GSPT1: variants seen among roughly 807,000 people sequenced by gnomAD.
The protein encoded by GSPT1 is G1 to S phase transition 1, also known as eukaryotic peptide chain release factor GTP-binding subunit ERF3A.
A neutral mutation model predicts 72.5 loss-of-function variants in GSPT1; 20 were observed. The ratio of observed to expected loss-of-function variants is 0.28; its 90% CI spans 0.19 to 0.40. The LOEUF (loss-of-function observed/expected upper bound fraction) is 0.40. GSPT1 is among the 10% of genes least tolerant of loss of function. GSPT1 has a pLI of 1.00. For synonymous variants in GSPT1, 334 were observed against 293.5 expected, an observed-to-expected ratio of 1.14 and a Z score of -1.41; for missense variants, 580 against 811.9, an observed-to-expected ratio of 0.71 and a Z score of 3.47.
chr16:11,915,015 C>A (rs143065056), intron 1 of GSPT1: 1 of 1,289,966 alleles, frequency 7.8e-7, no homozygotes, highest in Non-Finnish European at 1.0e-6. Context: ...TCCATCTGTC[C>A]TCATTCTGCG....
rs2053941936 is a variant in GSPT1 at position 11,868,363 on chromosome 16, T to TTG, written c.*4755_*4756insCA. 1 of 151,376 alleles carries TTG rather than the reference T, an allele frequency of 6.6e-6. No homozygotes were observed. Among genetic ancestry groups the TTG allele is most frequent in the Non-Finnish European group, 1.5e-5 (1 of 67,818 alleles). The allele number at this position is 151,376 out of a possible 1,614,324, so 9.4% of individuals were successfully genotyped here. ...TGATCAGTTCCCTTTAATCCTGTTT[T>TTG]TTTTTTTTTTTTTTAAATGAGATCT... On this transcript the variant is annotated 3_prime_UTR_variant, in exon 15 of 15. Transcript: ENST00000434724.
intron 9 of GSPT1, 135 bp downstream of exon 9, chr16:11,886,336 A>G (rs997579066): frequency 3.4e-6 from 2 of 587,804 alleles, no homozygotes; most frequent in Non-Finnish European, 5.7e-6. Context: ...GTTACATTTA[A>G]TATTTTCTTA....
chr16:11,914,774 A>G (rs540187358), intron 1 of GSPT1, among the ~76,000 whole-genome samples: 14 of 152,220 alleles, frequency 9.2e-5, no homozygotes, highest in Non-Finnish European at 1.3e-4. Flanking sequence ...GGTAAAACAG[A>G]TCTTGGTATT....
intron 10 of GSPT1, among the ~76,000 whole-genome samples, chr16:11,884,763 CA>C (rs35794680): frequency 0.53 from 50,310 of 94,598 alleles, 10,818 homozygotes; most frequent in East Asian, 0.7. Context: ...GACTCCGTCT[CA>C]AAAAAAAAAA....
At chr16:11,907,348 T>A (rs1372145179) in intron 1 of GSPT1, among the ~76,000 whole-genome samples, 2 of 152,200 alleles carry the variant, frequency 1.3e-5, no homozygotes, top group African/African-American at 2.4e-5. Flanking sequence ...TGGATATGAC[T>A]GACCTAAGTT....
At chr16:11,906,611 G>A (rs2054493580) in intron 1 of GSPT1, among the ~76,000 whole-genome samples, 1 of 152,138 alleles carries the variant, frequency 6.6e-6, no homozygotes, top group Admixed American at 6.5e-5. Flanking sequence ...TCCAGCCTGG[G>A]CAACAATGTG....
intron 5 of GSPT1, 128 bp from the exon 6 acceptor site, chr16:11,891,267 C>T: frequency 3.2e-6 from 1 of 313,588 alleles, no homozygotes; most frequent in South Asian, 6.3e-5. Flanking sequence ...GTGTGTCTGT[C>T]TAAAAAAATA....
Position 11,896,727 on chromosome 16 carries a change from T to G in GSPT1, c.495A>C (p.Ile165=). Residue 165 remains isoleucine (I), a synonymous_variant, in exon 4 of 15, where the codon ATA becomes ATC. Coordinates refer to ENST00000434724, the MANE Select transcript of GSPT1 (RefSeq NM_002094.4). ...PEESWEHKEE[I]SEAEPGGGSL... ...AACCACCCCCTGGCTCTGCTTCACT[T>G]ATTTCTTCTTTGTGCTCCCATGATT... is the stretch of plus-strand genomic sequence containing the variant. 1 of 1,604,798 alleles carries G rather than the reference T, an allele frequency of 6.2e-7. No homozygotes were observed. Among genetic ancestry groups the G allele is most frequent in the Non-Finnish European group, 8.5e-7 (1 of 1,175,362 alleles).
At chr16:11,896,933 C>T (rs2054347770) in intron 3 of GSPT1, 148 bp from the exon 4 acceptor site, 2 of 630,152 alleles carry the variant, frequency 3.2e-6, no homozygotes, top group Non-Finnish European at 2.8e-6. Flanking sequence ...AAACCTCTTT[C>T]ATAGCAGAAA....
intron 1 of GSPT1, among the ~76,000 whole-genome samples, chr16:11,909,942 A>C (rs930128786): frequency 2.8e-5 from 4 of 143,164 alleles, no homozygotes; most frequent in Non-Finnish European, 4.4e-5. Flanking sequence ...AAAACAAACA[A>C]AAAAACTTAG....
chr16:11,885,036 C>T lies in GSPT1; in HGVS notation c.1347+145G>A, dbSNP rs544797606. On this transcript the variant is annotated intron_variant, in intron 10 of 14. Coordinates refer to ENST00000434724, the MANE Select transcript of GSPT1 (RefSeq NM_002094.4). ...TGAGCTGAGATCGCGCCACTGCACT[C>T]CAGCCTGGGGGACAGAGTGCAAGAT... The T allele has an allele frequency of 2.7e-5, 14 of 522,082 alleles. No individual in the cohort carries two copies. The East Asian group carries it at 3.8e-4, about 14-fold the overall frequency. 32.3% of individuals were successfully genotyped at this position (522,082 alleles called of 1,614,324 possible).
At chr16:11,893,581 T>C (rs1026342450) in intron 5 of GSPT1, among the ~76,000 whole-genome samples, 3 of 152,186 alleles carry the variant, frequency 2.0e-5, no homozygotes, top group Non-Finnish European at 4.4e-5. Flanking sequence ...CATACTTCCT[T>C]GACTCAATCC....
At chr16:11,905,231 G>C (rs1567450407) in intron 1 of GSPT1, among the ~76,000 whole-genome samples, 1 of 152,226 alleles carries the variant, frequency 6.6e-6, no homozygotes, top group Non-Finnish European at 1.5e-5. Context: ...AGTTTCTGTA[G>C]TGATGGAAAT....
upstream of GSPT1, chr16:11,916,101 G>A (rs1486676098): frequency 4.2e-6 from 2 of 475,734 alleles, no homozygotes; most frequent in Admixed American, 5.4e-5. Context: ...AGCGCGGCGG[G>A]AGGTGGAACT....
At chr16:11,890,497 C>G (rs184605673) in intron 6 of GSPT1, among the ~76,000 whole-genome samples, 3 of 152,044 alleles carry the variant, frequency 2.0e-5, no homozygotes, top group Non-Finnish European at 4.4e-5. Flanking sequence ...AGCATTTCTC[C>G]CGCTTATTTT....
intron 1 of GSPT1, chr16:11,914,853 C>T (rs2054609012): frequency 6.7e-6 from 3 of 447,986 alleles, no homozygotes; most frequent in Non-Finnish European, 1.2e-5. Flanking sequence ...CGGTTGGGGG[C>T]CACGGACAGT....
Position 11,915,462 on chromosome 16 carries a change from G to T in GSPT1, c.259C>A (p.Pro87Thr). 1 of 1,548,274 alleles carries T rather than the reference G, an allele frequency of 6.5e-7. No individual in the cohort carries two copies. The highest frequency in any genetic ancestry group is 8.7e-7 in the Non-Finnish European group (1 of 1,149,566). ...GCTGCCGGGCCCCGCAGGAAGGACGGCACGAACTCGGCGGCGTGGACGTTG... is the reference window on the plus strand; with the variant it reads ...GCTGCCGGGCCCCGCAGGAAGGACGTCACGAACTCGGCGGCGTGGACGTTG... Reference protein sequence around the residue: ...VPNVHAAEFVPSFLRGPAAPP... With the variant: ...VPNVHAAEFVTSFLRGPAAPP... Residue 87 changes from proline to threonine, a missense_variant, in exon 1 of 15, where the codon CCG (proline) becomes ACG (threonine). This residue lies in a region of GSPT1 where 327 missense variants were observed against 298.8 expected (regional missense o/e 1.09). Coordinates refer to ENST00000434724, the MANE Select transcript of GSPT1 (RefSeq NM_002094.4).
At position 11,915,541 on chromosome 16, in the gene GSPT1, G is replaced by C. The variant is rs771518263; in HGVS notation, c.180C>G (p.Asn60Lys). ...GTTGCCGGCTGAAGGCCGCGCTGAGGTTCTCCCGCTGGGCCTCGGCCGCCG... is the reference window on the plus strand; with the variant it reads ...GTTGCCGGCTGAAGGCCGCGCTGAGCTTCTCCCGCTGGGCCTCGGCCGCCG... ...LAAAAEAQRENLSAAFSRQLN... is the reference protein window; with the variant it reads ...LAAAAEAQREKLSAAFSRQLN... The change falls in exon 1 of 15, where the codon AAC becomes AAG. Residue 60 changes from asparagine (N) to lysine (K), a missense_variant. By Grantham distance (94) the Asn-to-Lys change is moderately conservative. Coordinates refer to ENST00000434724, the MANE Select transcript of GSPT1 (RefSeq NM_002094.4). 9 of 1,506,878 alleles carry C rather than the reference G, an allele frequency of 6.0e-6. No homozygotes were observed. The Admixed American group carries it at 2.0e-4, about 33-fold the overall frequency. 93.3% of individuals were successfully genotyped at this position (1,506,878 alleles called of 1,614,324 possible).
chr16:11,885,765 G>A (rs33648), intron 9 of GSPT1, among the ~76,000 whole-genome samples: 39,492 of 151,834 alleles, frequency 0.26, 6,611 homozygotes, highest in East Asian at 0.59. Context: ...GGTGGCATGT[G>A]CCTACAGTCC....
Sources: gnomAD v4.1 joint callset for allele counts (sites outside exome capture counted in the v4.1 genomes callset) on GRCh38, gnomAD v4.1.1 for gene constraint, gnomAD v4.1.1 regional missense constraint, MANE v1.5 for transcripts, NCBI Gene and HGNC (gene_info 2026-07-23, HGNC 2026-07-21) for gene names.